Variants in PVALB observed in about 807,000 individuals in gnomAD.
PVALB encodes the protein parvalbumin alpha.
A neutral mutation model predicts 10.9 loss-of-function variants in PVALB; 11 were observed. That is an observed-to-expected ratio of 1.01 (90% CI 0.63 to 1.67). PVALB has a LOEUF of 1.67. Ranked by LOEUF, PVALB falls within the 40% of genes most tolerant of loss-of-function variation. The pLI is 0.00. For synonymous variants in PVALB, 57 were observed against 50.7 expected (o/e 1.12, Z -0.53); for missense variants, 131 against 136.2 (o/e 0.96, Z 0.19).
upstream of PVALB, among the ~76,000 whole-genome samples, chr22:36,818,102 G>A (rs1939177091): frequency 6.6e-6 from 1 of 152,006 alleles, no homozygotes; most frequent in East Asian, 1.9e-4. Flanking sequence ...TGTGAGCGCT[G>A]GACAGGGAGT....
At chr22:36,801,617 T>C (rs1272033925) in intron 3 of PVALB, among the ~76,000 whole-genome samples, 1 of 152,124 alleles carries the variant, frequency 6.6e-6, no homozygotes, top group Non-Finnish European at 1.5e-5. Context: ...CTGGCCAACA[T>C]GGTAAAACCC....
chr22:36,816,900 G>C, intron 1 of PVALB, 45 bp downstream of exon 1: 8 of 1,531,966 alleles, frequency 5.2e-6, no homozygotes, highest in Non-Finnish European at 6.2e-6. Flanking sequence ...GGGCGCGGGC[G>C]GTGGACGAGG....
chr22:36,800,820 G>T lies in PVALB; in HGVS notation c.*70C>A. 1 of 1,486,418 alleles carries T rather than the reference G, an allele frequency of 6.7e-7. No individual in the cohort carries two copies. The highest frequency in any genetic ancestry group is 9.4e-7 in the Non-Finnish European group (1 of 1,063,832). 92.1% of individuals were successfully genotyped at this position (1,486,418 alleles called of 1,614,324 possible). A position where few individuals can be genotyped will look rare whatever the true frequency, so the allele number is the denominator to read the frequency against. ...AAACGAACTGAACAGAAATGCAGGA[G>T]GGTGGCGAGAGGGGCCGAGATTGGG... On this transcript the variant is annotated 3_prime_UTR_variant, in exon 4 of 4. Transcript: ENST00000417718.
intron 3 of PVALB, among the ~76,000 whole-genome samples, chr22:36,810,343 C>A (rs112797650): frequency 6.6e-6 from 1 of 152,166 alleles, no homozygotes; most frequent in East Asian, 1.9e-4. Context: ...TGAAACAGAA[C>A]GTCCTGGGCC....
chr22:36,801,596 T>C (rs1938865676), intron 3 of PVALB, among the ~76,000 whole-genome samples: 1 of 152,096 alleles, frequency 6.6e-6, no homozygotes, highest in Admixed American at 6.5e-5. Flanking sequence ...GGTCAGGAGT[T>C]TGAGACCAGC....
chr22:36,819,119 G>A (rs1160735119), upstream of PVALB, among the ~76,000 whole-genome samples: 1 of 152,112 alleles, frequency 6.6e-6, no homozygotes, highest in Non-Finnish European at 1.5e-5. Flanking sequence ...TGCCCTCTGG[G>A]TCCTCTCTGA....
intron 3 of PVALB, among the ~76,000 whole-genome samples, chr22:36,812,233 G>T (rs1939057679): frequency 6.6e-6 from 1 of 152,186 alleles, no homozygotes; most frequent in South Asian, 2.1e-4. Flanking sequence ...CTGGCAAGGG[G>T]CAGAGAAGGA....
chr22:36,819,216 G>T (rs1939200006), upstream of PVALB, among the ~76,000 whole-genome samples: 1 of 152,092 alleles, frequency 6.6e-6, no homozygotes, highest in African/African-American at 2.4e-5. Flanking sequence ...GGGGGCGGTG[G>T]GTGGGGGGAG....
intron 2 of PVALB, 41 bp from the exon 3 acceptor site, chr22:36,813,796 C>G (rs750637306): frequency 1.3e-6 from 2 of 1,508,804 alleles, no homozygotes; most frequent in Non-Finnish European, 1.8e-6. Context: ...GGAGTCAGGC[C>G]GAGGTCGCCT....
chr22:36,817,167 G>A, upstream of PVALB: 4 of 574,612 alleles, frequency 7.0e-6, no homozygotes, highest in South Asian at 1.3e-4. Flanking sequence ...CAGCGGGAGC[G>A]GCTCAGTCCA....
rs180845069 is a variant in PVALB at position 36,808,172 on chromosome 22, C to T, written c.304+5474G>A. 2.0e-5 allele frequency among the ~76,000 whole-genome samples: 3 copies of T among 152,318 alleles called. No homozygotes were observed. The East Asian group carries it at 5.8e-4, about 29-fold the overall frequency. ...AGGGCCCTGAGGCTTCACAGCAAGT[C>T]GCTCTGCTTCCCGGGGCCTCAGATT... On this transcript the variant is annotated intron_variant, in intron 3 of 3. Coordinates refer to ENST00000417718, the MANE Select transcript of PVALB (RefSeq NM_001315532.2).
intron 1 of PVALB, among the ~76,000 whole-genome samples, chr22:36,815,756 C>T (rs1039878132): frequency 6.6e-6 from 1 of 151,994 alleles, no homozygotes; most frequent in African/African-American, 2.4e-5. Flanking sequence ...GAGGGGCAAA[C>T]CCGGAAGTCC....
chr22:36,804,938 A>T (rs1449432749), intron 3 of PVALB, among the ~76,000 whole-genome samples: 1 of 152,172 alleles, frequency 6.6e-6, no homozygotes, highest in African/African-American at 2.4e-5. Context: ...TGTCTCAAAA[A>T]CAAACGAACA....
chr22:36,817,625 C>G (rs940511499), upstream of PVALB: 2 of 154,940 alleles, frequency 1.3e-5, no homozygotes, highest in African/African-American at 4.8e-5. Flanking sequence ...GGGACAGGGA[C>G]AGGCAGGAGC....
At chr22:36,812,017 T>TCAA (rs1039336764) in intron 3 of PVALB, among the ~76,000 whole-genome samples, 8 of 151,798 alleles carry the variant, frequency 5.3e-5, no homozygotes, top group Admixed American at 1.3e-4. Context: ...AGAAAAGAAA[T>TCAA]CAACAACAAC....
chr22:36,807,479 T>A (rs192237256), intron 3 of PVALB, among the ~76,000 whole-genome samples: 11 of 152,276 alleles, frequency 7.2e-5, no homozygotes, highest in Non-Finnish European at 1.0e-4. Flanking sequence ...TCTCCTTCTA[T>A]CTCTCTCACT....
rs201467669 is a variant in PVALB at position 36,809,445 on chromosome 22, T to TATGA, written c.304+4197_304+4200dup. Among the ~76,000 whole-genome samples, 1,033 of 152,206 alleles carry TATGA rather than the reference T, an allele frequency of 6.8e-3. 3 individuals are homozygous for TATGA. Among genetic ancestry groups the TATGA allele is most frequent in the Non-Finnish European group, 9.0e-3 (613 of 67,998 alleles). ...ATAATCATCTTATAGTAAATTAAAC[T>TATGA]ATGAATGAATGAATGAATGAATGAA... On this transcript the variant is annotated intron_variant, in intron 3 of 3. Coordinates refer to ENST00000417718, the MANE Select transcript of PVALB (RefSeq NM_001315532.2).
At chr22:36,804,860 G>C (rs568992934) in intron 3 of PVALB, among the ~76,000 whole-genome samples, 1 of 152,290 alleles carries the variant, frequency 6.6e-6, no homozygotes, top group Admixed American at 6.5e-5. Context: ...CTTGAACCCG[G>C]GAGGTGGAGA....
At chr22:36,803,933 A>C (rs887012971) in intron 3 of PVALB, among the ~76,000 whole-genome samples, 2 of 152,174 alleles carry the variant, frequency 1.3e-5, no homozygotes, top group African/African-American at 4.8e-5. Context: ...ATGAATGTGG[A>C]GAGGCTACTC....
Sources: gnomAD v4.1 joint callset for allele counts (sites outside exome capture counted in the v4.1 genomes callset) on GRCh38, gnomAD v4.1.1 for gene constraint, MANE v1.5 for transcripts, NCBI Gene and HGNC (gene_info 2026-07-23, HGNC 2026-07-21) for gene names.